The following PAAF1 variants were observed in gnomAD, a reference collection of about 807,000 sequenced individuals.
The protein encoded by PAAF1 is proteasomal ATPase-associated factor 1.
A neutral mutation model predicts 52.8 loss-of-function variants in PAAF1; 46 were observed. The ratio of observed to expected loss-of-function variants is 0.87; its 90% CI spans 0.69 to 1.11. PAAF1 has a LOEUF of 1.11. Among genes scored for constraint, PAAF1 ranks in the 50% most tolerant of loss-of-function variants. PAAF1 has a pLI of 0.00. For missense variants in PAAF1, 424 were observed against 477.4 expected, an observed-to-expected ratio of 0.89 and a Z score of 1.04; for synonymous variants, 178 against 172.8, an observed-to-expected ratio of 1.03 and a Z score of -0.24.
At chr11:73,902,107 CT>C (rs1246702689) in intron 6 of PAAF1, among the ~76,000 whole-genome samples, 1 of 152,024 alleles carries the variant, frequency 6.6e-6, no homozygotes, top group Non-Finnish European at 1.5e-5. Context: ...AGTGATCTGC[CT>C]ACCTTGGCCT....
chr11:73,894,317 A>G (rs1403422682), intron 4 of PAAF1, among the ~76,000 whole-genome samples: 2 of 152,210 alleles, frequency 1.3e-5, no homozygotes, highest in Non-Finnish European at 2.9e-5. Context: ...AGCCTAGGCA[A>G]CATAGTGAGA....
At chr11:73,922,142 T>C in intron 10 of PAAF1, 1 of 934,870 alleles carries the variant, frequency 1.1e-6, no homozygotes, top group Non-Finnish European at 1.7e-6. Context: ...GTGCCATGTT[T>C]CCAATGAGTT....
At position 73,904,867 on chromosome 11, in the gene PAAF1, G is replaced by A. The variant is rs753225864; in HGVS notation, c.532+4447G>A. Among the ~76,000 whole-genome samples the A allele has an allele frequency of 3.9e-5, 6 of 152,174 alleles. 1 individual carries two copies. The highest frequency in any genetic ancestry group is 5.9e-5 in the Non-Finnish European group (4 of 68,038). On this transcript the variant is annotated intron_variant, in intron 6 of 11. Coordinates refer to ENST00000310571, the MANE Select transcript of PAAF1 (RefSeq NM_025155.3). ...TTTCCAGACTTTGGCTGGGATGCTC[G>A]TATGTGATTCTGCTGAATCTTTTCT...
chr11:73,899,897 C>T (rs1337633246), intron 5 of PAAF1, among the ~76,000 whole-genome samples: 2 of 152,290 alleles, frequency 1.3e-5, no homozygotes, highest in Middle Eastern at 3.4e-3. Flanking sequence ...ATGGCTGAGC[C>T]TCCAACCTTT....
intron 2 of PAAF1, chr11:73,879,695 C>CCCCG (rs1948838891): frequency 6.7e-6 from 1 of 150,050 alleles, no homozygotes; most frequent in Non-Finnish European, 1.5e-5. Flanking sequence ...GTGAGACCCC[C>CCCCG]TCCCCATCTC....
chr11:73,898,224 GAGGGA>G lies in PAAF1; in HGVS notation c.283-921_283-917del, dbSNP rs1565135422. 4.7e-5 allele frequency among the ~76,000 whole-genome samples: 5 copies of G among 106,710 alleles called. No individual in the cohort carries two copies. In the East Asian group the frequency reaches 1.6e-3, roughly 33 times the overall value. The allele number at this position is 106,710 out of a possible 152,430, so 70.0% of individuals were successfully genotyped here. ...GGAGGGGGAGGGGAAGGGGGAGGGA[GAGGGA>G]GAGGGAGAGGGAGAGGGAGAAGGAG... On this transcript the variant is annotated intron_variant, in intron 4 of 11. Transcript: ENST00000310571.
chr11:73,889,591 A>G (rs1317010728), intron 3 of PAAF1, among the ~76,000 whole-genome samples: 1 of 152,210 alleles, frequency 6.6e-6, no homozygotes, highest in Non-Finnish European at 1.5e-5. Flanking sequence ...GCAAAGTAGG[A>G]GAAAAGTACT....
chr11:73,901,927 C>T (rs1356886823), intron 6 of PAAF1, among the ~76,000 whole-genome samples: 2 of 143,538 alleles, frequency 1.4e-5, no homozygotes, highest in African/African-American at 2.6e-5. Flanking sequence ...GCAGTGATGC[C>T]AGCTCGGCTC....
At chr11:73,926,658 A>G (rs1279783858) in intron 11 of PAAF1, among the ~76,000 whole-genome samples, 1 of 152,142 alleles carries the variant, frequency 6.6e-6, no homozygotes, top group African/African-American at 2.4e-5. Flanking sequence ...GCAGTGAGCC[A>G]AGATGGCGTC....
intron 1 of PAAF1, 107 bp from the exon 2 acceptor site, chr11:73,878,672 G>A (rs750635279): frequency 4.3e-5 from 39 of 899,112 alleles, no homozygotes; most frequent in Non-Finnish European, 7.0e-5. Context: ...TCATGTCTAA[G>A]TACTATGACC....
At chr11:73,908,083 G>T (rs1949808833) in intron 6 of PAAF1, among the ~76,000 whole-genome samples, 1 of 151,956 alleles carries the variant, frequency 6.6e-6, no homozygotes, top group Non-Finnish European at 1.5e-5. Flanking sequence ...CTTTTCAGTT[G>T]TAAACAGAAG....
intron 11 of PAAF1, among the ~76,000 whole-genome samples, chr11:73,925,129 C>T (rs1950317855): frequency 1.4e-5 from 2 of 148,136 alleles, no homozygotes; most frequent in African/African-American, 2.5e-5. Flanking sequence ...TACACTCCAG[C>T]CTGGGCAACA....
At chr11:73,900,978 T>C (rs1949591128) in intron 6 of PAAF1, among the ~76,000 whole-genome samples, 1 of 70,518 alleles carries the variant, frequency 1.4e-5, no homozygotes, top group Non-Finnish European at 2.4e-5. Flanking sequence ...CGAGACTCCG[T>C]CTCAAAAAAA....
intron 3 of PAAF1, chr11:73,888,670 T>A (rs1177191541): frequency 6.2e-6 from 1 of 160,854 alleles, no homozygotes; most frequent in Non-Finnish European, 1.4e-5. Context: ...CATTCATTAC[T>A]CTCTTTGGGC....
intron 1 of PAAF1, 89 bp from the exon 2 acceptor site, chr11:73,878,690 A>C (rs1191794836): frequency 7.0e-6 from 8 of 1,145,218 alleles, no homozygotes; most frequent in Non-Finnish European, 1.0e-5. Flanking sequence ...ACCAAGCTGG[A>C]GGTTACATGA....
chr11:73,919,818 G>A (rs1049496411), intron 10 of PAAF1, among the ~76,000 whole-genome samples: 3 of 152,288 alleles, frequency 2.0e-5, no homozygotes, highest in African/African-American at 7.2e-5. Context: ...CAGTATGTCA[G>A]TTAGGATGTT....
rs201188947 is a variant in PAAF1 at position 73,889,802 on chromosome 11, A to C, written c.193-1310A>C. Among the ~76,000 whole-genome samples the C allele has an allele frequency of 3.8e-4, 58 of 152,356 alleles. No homozygotes were observed. In the East Asian group the frequency reaches 0.01, roughly 27 times the overall value. ...AATCCAGGCCAGCACTCTTGCAGCT[A>C]TATGGGCTTTATCACACAGTTAGAA... On this transcript the variant is annotated intron_variant, in intron 3 of 11. Coordinates refer to ENST00000310571, the MANE Select transcript of PAAF1 (RefSeq NM_025155.3).
Position 73,919,637 on chromosome 11 carries a change from T to G in PAAF1, c.1018+605T>G, listed in dbSNP as rs537685044. Among the ~76,000 whole-genome samples the G allele has an allele frequency of 1.1e-4, 16 of 152,254 alleles. 1 individual carries two copies. The South Asian group carries it at 3.1e-3, about 30-fold the overall frequency. On this transcript the variant is annotated intron_variant, in intron 10 of 11. Coordinates refer to ENST00000310571, the MANE Select transcript of PAAF1 (RefSeq NM_025155.3). ...ACATACATATTCTAGGTAAAGCGAG[T>G]ATCTTAATGTAGCCAGGACAAACTC... is the stretch of plus-strand genomic sequence containing the variant.
At chr11:73,917,032 A>T (rs1265164045) in intron 9 of PAAF1, among the ~76,000 whole-genome samples, 4 of 152,012 alleles carry the variant, frequency 2.6e-5, no homozygotes, top group Admixed American at 6.6e-5. Context: ...TTATTTATTT[A>T]TTTTTTGAGA....
Sources: gnomAD v4.1 joint callset for allele counts (sites outside exome capture counted in the v4.1 genomes callset) on GRCh38, gnomAD v4.1.1 for gene constraint, MANE v1.5 for transcripts, NCBI Gene and HGNC (gene_info 2026-07-23, HGNC 2026-07-21) for gene names.